SBF2: variants seen among roughly 807,000 people sequenced by gnomAD.
SBF2 encodes the protein SET binding factor 2.
SBF2 carries 112 observed loss-of-function variants against 225.2 expected under a neutral mutation model. That is an observed-to-expected ratio of 0.50 (90% CI 0.43 to 0.58). The LOEUF (loss-of-function observed/expected upper bound fraction) is 0.58, where lower values mean the gene tolerates loss of function less well. SBF2 is among the 20% of genes least tolerant of loss of function. The pLI is 0.00. For missense variants in SBF2, 1,996 were observed against 2,206.2 expected (o/e 0.90, Z 1.91); for synonymous variants, 763 against 773.3 (o/e 0.99, Z 0.22).
chr11:9,996,786 T>C (rs1288800488), intron 9 of SBF2, among the ~76,000 whole-genome samples: 2 of 152,216 alleles, frequency 1.3e-5, no homozygotes, highest in Non-Finnish European at 2.9e-5. Flanking sequence ...AAAAACATAA[T>C]TATTAAAATA....
At chr11:9,785,491 CTACA>C in intron 36 of SBF2, 173 bp from the exon 37 acceptor site, 1 of 638,106 alleles carries the variant, frequency 1.6e-6, no homozygotes, top group Non-Finnish European at 2.8e-6. Flanking sequence ...TGGAAACAAC[CTACA>C]CGTCCATTAT....
intron 16 of SBF2, among the ~76,000 whole-genome samples, chr11:9,944,804 T>C (rs568997946): frequency 6.6e-6 from 1 of 152,246 alleles, no homozygotes; most frequent in Admixed American, 6.5e-5. Context: ...TTAGAAAAAA[T>C]GACCCTAGAA....
rs187786328 is a variant in SBF2, at chr11:10,256,531, A to G, written c.55+37484T>C. ...AAGAAGAATGGCTTCATAACAAAGC[A>G]TAACAACTGATACAAGCCCTTGAAG... is the stretch of plus-strand genomic sequence containing the variant. On this transcript the variant is annotated intron_variant, in intron 1 of 39. Transcript: ENST00000256190. 1.5e-3 allele frequency among the ~76,000 whole-genome samples: 226 copies of G among 152,358 alleles called. 1 individual carries two copies. The highest frequency in any genetic ancestry group is 0.014 in the Admixed American group (208 of 15,308).
At chr11:9,957,038 T>TC (rs1347091539) in intron 16 of SBF2, 2 of 152,232 alleles carry the variant, frequency 1.3e-5, no homozygotes, top group African/African-American at 4.8e-5. Flanking sequence ...AAATTTAATA[T>TC]ATCAAAAGTC....
intron 1 of SBF2, among the ~76,000 whole-genome samples, chr11:10,273,750 C>T (rs1174651781): frequency 1.3e-5 from 2 of 152,170 alleles, no homozygotes; most frequent in Non-Finnish European, 2.9e-5. Context: ...TGAAGCATAG[C>T]CCTGATATCA....
chr11:10,153,246 GA>G (rs766584982), intron 2 of SBF2, among the ~76,000 whole-genome samples: 3 of 152,124 alleles, frequency 2.0e-5, no homozygotes, highest in Non-Finnish European at 4.4e-5. Flanking sequence ...AAGATAATGA[GA>G]GCCTTAAATT....
In SBF2 at chr11:10,046,218, A is replaced by T. The variant is rs369437580; in HGVS notation, c.142-3237T>A. ...CCTGCAGATTCCAAAGGACAACTGTATACCAATTATCTGCAACCTCTTTCA... is the reference window on the plus strand; with the variant it reads ...CCTGCAGATTCCAAAGGACAACTGTTTACCAATTATCTGCAACCTCTTTCA... On this transcript the variant is annotated intron_variant, in intron 2 of 39. Transcript: ENST00000256190. Among the ~76,000 whole-genome samples the T allele has an allele frequency of 3.3e-5, 5 of 152,322 alleles. No individual in the cohort carries two copies. In the East Asian group the frequency reaches 5.8e-4, roughly 18 times the overall value.
intron 1 of SBF2, among the ~76,000 whole-genome samples, chr11:10,264,126 C>T (rs1338393687): frequency 6.6e-6 from 1 of 152,132 alleles, no homozygotes; most frequent in Non-Finnish European, 1.5e-5. Context: ...GTTTTACTGC[C>T]AAACTGCCCT....
At chr11:10,062,573 T>A (rs1950489224) in intron 2 of SBF2, among the ~76,000 whole-genome samples, 1 of 152,038 alleles carries the variant, frequency 6.6e-6, no homozygotes, top group African/African-American at 2.4e-5. Flanking sequence ...ATGTGGCCAA[T>A]AAGCATATGG....
At chr11:10,003,461 G>A (rs527996571) in intron 6 of SBF2, among the ~76,000 whole-genome samples, 6 of 151,288 alleles carry the variant, frequency 4.0e-5, no homozygotes, top group African/African-American at 1.2e-4. Context: ...TCTGCCTCCC[G>A]GGTTCATGAC....
At chr11:10,174,575 G>A (rs1417116023) in intron 2 of SBF2, among the ~76,000 whole-genome samples, 1 of 152,138 alleles carries the variant, frequency 6.6e-6, no homozygotes, top group Non-Finnish European at 1.5e-5. Flanking sequence ...GAACCAAGTT[G>A]GAAAACACTC....
intron 9 of SBF2, among the ~76,000 whole-genome samples, chr11:9,996,729 T>G (rs1448698458): frequency 6.6e-6 from 1 of 152,212 alleles, no homozygotes; most frequent in Non-Finnish European, 1.5e-5. Context: ...TAGATGATAG[T>G]TGAGCAATGA....
intron 1 of SBF2, among the ~76,000 whole-genome samples, chr11:10,247,670 T>C (rs1959943673): frequency 6.6e-6 from 1 of 151,956 alleles, no homozygotes; most frequent in Non-Finnish European, 1.5e-5. Context: ...ACTCCAGGCC[T>C]GGGTGAAAGA....
intron 1 of SBF2, among the ~76,000 whole-genome samples, chr11:10,251,710 A>G (rs1480728399): frequency 6.6e-6 from 1 of 152,184 alleles, no homozygotes; most frequent in Admixed American, 6.5e-5. Flanking sequence ...GTATTCTCTC[A>G]AAGGTTTTAA....
chr11:9,837,517 A>G (rs1288954534), intron 26 of SBF2, among the ~76,000 whole-genome samples: 1 of 152,248 alleles, frequency 6.6e-6, no homozygotes, highest in Non-Finnish European at 1.5e-5. Context: ...CCAGTACTCT[A>G]TTCCTACAAT....
At chr11:10,028,750 G>A (rs943586820) in intron 5 of SBF2, among the ~76,000 whole-genome samples, 193 bp from the exon 6 acceptor site, 1 of 152,100 alleles carries the variant, frequency 6.6e-6, no homozygotes, top group Non-Finnish European at 1.5e-5. Context: ...AAAATTCAGT[G>A]GCTGAAAGTT....
rs34787805 is a variant in SBF2 at position 9,788,589 on chromosome 11, C to CT, written c.4932+519dup. Among the ~76,000 whole-genome samples, 359 of 122,316 alleles carry CT rather than the reference C, an allele frequency of 2.9e-3. 2 individuals carry two copies. Among genetic ancestry groups the CT allele is most frequent in the Middle Eastern group, 4.2e-3 (1 of 236 alleles). The allele number at this position is 122,316 out of a possible 152,430, so 80.2% of individuals were successfully genotyped here. On this transcript the variant is annotated intron_variant, in intron 35 of 39. Transcript: ENST00000256190. ...GCTTTCTTGTAACGCTGGAAAATCA[C>CT]TTTTTTTTTTTTTTTTTTTTACTGA...
chr11:9,814,542 T>C (rs1327818769), intron 29 of SBF2, among the ~76,000 whole-genome samples: 1 of 152,154 alleles, frequency 6.6e-6, no homozygotes, highest in Non-Finnish European at 1.5e-5. Context: ...TTGCTTGGAA[T>C]TGTGACTGTA....
chr11:10,286,166 G>GCGCGCACACACACA (rs373771420), intron 1 of SBF2, among the ~76,000 whole-genome samples: 84 of 147,356 alleles, frequency 5.7e-4, no homozygotes, highest in Middle Eastern at 3.5e-3. Context: ...ACACGCACAC[G>GCGCGCACACACACA]CACACACACA....
Sources: gnomAD v4.1 joint callset for allele counts (sites outside exome capture counted in the v4.1 genomes callset) on GRCh38, gnomAD v4.1.1 for gene constraint, MANE v1.5 for transcripts, NCBI Gene and HGNC (gene_info 2026-07-23, HGNC 2026-07-21) for gene names.